The following PRKACB variants were observed in gnomAD, a reference collection of about 807,000 sequenced individuals.
The protein encoded by PRKACB is cAMP-dependent protein kinase catalytic subunit beta.
A neutral mutation model predicts 51.4 loss-of-function variants in PRKACB; 16 were observed. The ratio of observed to expected loss-of-function variants is 0.31; its 90% confidence interval spans 0.21 to 0.47. The LOEUF is 0.47. PRKACB is among the 20% of genes least tolerant of loss of function. The pLI, the probability that PRKACB is intolerant of heterozygous loss-of-function variation, is 1.00. For missense variants in PRKACB, 309 were observed against 464.5 expected, an observed-to-expected ratio of 0.67 and a Z score of 3.08; for synonymous variants, 147 against 154.4, an observed-to-expected ratio of 0.95 and a Z score of 0.35.
At chr1:84,081,684 A>G (rs2100737550) in intron 1 of PRKACB, among the ~76,000 whole-genome samples, 2 of 152,214 alleles carry the variant, frequency 1.3e-5, no homozygotes, top group Middle Eastern at 3.4e-3. Flanking sequence ...CCAAAAAAAC[A>G]CGCTACTTCT....
intron 1 of PRKACB, among the ~76,000 whole-genome samples, chr1:84,101,341 A>T (rs1649335607): frequency 6.6e-6 from 1 of 152,178 alleles, no homozygotes; most frequent in South Asian, 2.1e-4. Flanking sequence ...ACTTGAAGTA[A>T]ACTGACTGTG....
At chr1:84,162,294 T>G (rs752237045) in intron 1 of PRKACB, among the ~76,000 whole-genome samples, 2 of 151,586 alleles carry the variant, frequency 1.3e-5, no homozygotes, top group Non-Finnish European at 3.0e-5. Flanking sequence ...CTAGTTGGCA[T>G]TGGCTGAGCT....
intron 1 of PRKACB, among the ~76,000 whole-genome samples, chr1:84,092,274 C>T (rs1648536624): frequency 2.6e-5 from 4 of 152,166 alleles, no homozygotes; most frequent in Admixed American, 2.6e-4. Context: ...TGGAATACTG[C>T]ATCATGTTTT....
intron 1 of PRKACB, chr1:84,085,787 C>G (rs1647926819): frequency 2.6e-6 from 1 of 379,190 alleles, no homozygotes; most frequent in African/African-American, 2.1e-5. Flanking sequence ...TCAGTCGTCT[C>G]CAGGAAGCCC....
chr1:84,133,283 T>C (rs1196970002), intron 1 of PRKACB, among the ~76,000 whole-genome samples: 3 of 152,110 alleles, frequency 2.0e-5, no homozygotes, highest in African/African-American at 7.2e-5. Flanking sequence ...TATATATCTG[T>C]GAAATTAACC....
chr1:84,157,164 TC>T (rs1476020498), intron 1 of PRKACB, among the ~76,000 whole-genome samples: 1 of 152,160 alleles, frequency 6.6e-6, no homozygotes, highest in Non-Finnish European at 1.5e-5. Flanking sequence ...TTTATGCAGA[TC>T]TATTTACCTT....
intron 1 of PRKACB, among the ~76,000 whole-genome samples, chr1:84,109,494 G>C (rs1018066208): frequency 1.2e-4 from 18 of 151,786 alleles, no homozygotes; most frequent in African/African-American, 4.1e-4. Context: ...ATAGACGGGA[G>C]TCCCTATTGT....
intron 1 of PRKACB, among the ~76,000 whole-genome samples, chr1:84,093,219 T>C (rs7520283): frequency 0.6 from 91,643 of 151,740 alleles, 29,079 homozygotes; most frequent in Non-Finnish European, 0.72. Flanking sequence ...AGAAGCTTTC[T>C]TTTGCCTTTC....
chr1:84,164,251 A>G, intron 1 of PRKACB: 2 of 1,443,226 alleles, frequency 1.4e-6, no homozygotes. Context: ...GAAAAATGAA[A>G]GCTATCAGCG....
At chr1:84,093,301 G>A (rs965466777) in intron 1 of PRKACB, among the ~76,000 whole-genome samples, 14 of 151,482 alleles carry the variant, frequency 9.2e-5, no homozygotes, top group Admixed American at 6.6e-5. Flanking sequence ...CTGTGTATGC[G>A]CTTCTGTGTG....
At chr1:84,205,669 A>G (rs1471444050) in intron 8 of PRKACB, among the ~76,000 whole-genome samples, 1 of 152,110 alleles carries the variant, frequency 6.6e-6, no homozygotes, top group Non-Finnish European at 1.5e-5. Flanking sequence ...TGATAAATTC[A>G]CTAAAGTACA....
At position 84,238,388 on chromosome 1, in the gene PRKACB, T is replaced by C. The variant is rs1265172793; in HGVS notation, c.*3083T>C. On this transcript the variant is annotated 3_prime_UTR_variant, in exon 10 of 10. Transcript: ENST00000370685. ...TGTTATTTCATTAATTACTTCTTTG[T>C]TTAGAATGGAATTTCCTATGCACTA... 2 of 152,630 alleles carry C rather than the reference T, an allele frequency of 1.3e-5. No individual in the cohort carries two copies. The highest frequency in any genetic ancestry group is 2.9e-5 in the Non-Finnish European group (2 of 68,030). The allele number at this position is 152,630 out of a possible 1,614,324, so 9.5% of individuals were successfully genotyped here.
chr1:84,156,394 G>T (rs1655505973), intron 1 of PRKACB, among the ~76,000 whole-genome samples: 1 of 152,174 alleles, frequency 6.6e-6, no homozygotes, highest in Admixed American at 6.5e-5. Context: ...TTGATGTGAT[G>T]CCACTGATCC....
chr1:84,176,012 TAAG>T (rs1052335341), intron 1 of PRKACB, among the ~76,000 whole-genome samples: 3 of 151,766 alleles, frequency 2.0e-5, no homozygotes, highest in African/African-American at 7.2e-5. Flanking sequence ...ATTTTTTTCT[TAAG>T]AAGAGTTACT....
chr1:84,209,060 A>G (rs1233621037), intron 8 of PRKACB, among the ~76,000 whole-genome samples: 2 of 152,194 alleles, frequency 1.3e-5, no homozygotes, highest in East Asian at 3.9e-4. Flanking sequence ...CAAAGCAGGA[A>G]ATAGAAGAAT....
chr1:84,137,047 G>T (rs1652898396), intron 1 of PRKACB, among the ~76,000 whole-genome samples: 1 of 152,046 alleles, frequency 6.6e-6, no homozygotes, highest in Non-Finnish European at 1.5e-5. Context: ...TGAAGAAGGT[G>T]CCTTGGTTCC....
At chr1:84,128,749 G>T (rs904814224) in intron 1 of PRKACB, among the ~76,000 whole-genome samples, 1 of 152,100 alleles carries the variant, frequency 6.6e-6, no homozygotes. Context: ...GATTATAGAG[G>T]TAACTGATTA....
At chr1:84,131,344 CA>C (rs57331999) in intron 1 of PRKACB, among the ~76,000 whole-genome samples, 4 of 146,418 alleles carry the variant, frequency 2.7e-5, no homozygotes, top group African/African-American at 5.0e-5. Flanking sequence ...AACTCCATCT[CA>C]AAAAAAAAAA....
chr1:84,131,104 C>T (rs529742093), intron 1 of PRKACB, among the ~76,000 whole-genome samples: 15 of 152,238 alleles, frequency 9.9e-5, no homozygotes, highest in African/African-American at 3.4e-4. Flanking sequence ...CGCCTGTAAA[C>T]CCAGCATTTT....
Sources: allele counts gnomAD v4.1 joint callset (sites outside exome capture counted in the v4.1 genomes callset), GRCh38; gene constraint gnomAD v4.1.1; transcripts MANE v1.5; gene names NCBI Gene and HGNC (gene_info 2026-07-23, HGNC 2026-07-21).